The following LRIF1 variants were observed in gnomAD, a reference collection of about 807,000 sequenced individuals.
LRIF1 encodes the protein ligand dependent nuclear receptor interacting factor 1, also known as ligand-dependent nuclear receptor-interacting factor 1.
A neutral mutation model predicts 52.7 loss-of-function variants in LRIF1; 32 were observed. The ratio of observed to expected loss-of-function variants is 0.61; its 90% CI spans 0.46 to 0.82. The LOEUF is 0.82. LRIF1 is among the 40% of genes least tolerant of loss of function. The pLI is 0.00. For synonymous variants in LRIF1, 323 were observed against 317.4 expected, an observed-to-expected ratio of 1.02 and a Z score of -0.19; for missense variants, 887 against 892.0, an observed-to-expected ratio of 0.99 and a Z score of 0.07.
At chr1:110,929,399 C>T in the LRIF1 span, among the ~76,000 whole-genome samples, 1 of 152,150 alleles carries the variant, frequency 6.6e-6, no homozygotes, top group African/African-American at 2.4e-5. Flanking sequence ...TAAGCATTGC[C>T]TTTTCTCCAC....
chr1:110,938,213 G>A, the LRIF1 span: 1 of 152,034 alleles, frequency 6.6e-6, no homozygotes, highest in Non-Finnish European at 1.5e-5. Context: ...ATTCTATGAG[G>A]CCAGTATTTC....
chr1:110,884,118 G>A, the LRIF1 span, among the ~76,000 whole-genome samples: 38 of 152,036 alleles, frequency 2.5e-4, no homozygotes, highest in Non-Finnish European at 5.0e-4. Context: ...TCATTAATTT[G>A]AGACCACTTT....
chr1:110,939,104 T>C, the LRIF1 span: 1 of 152,198 alleles, frequency 6.6e-6, no homozygotes, highest in African/African-American at 2.4e-5. Context: ...TAGTTAAAAA[T>C]GTCCTGGCTC....
chr1:110,924,521 T>C, the LRIF1 span, among the ~76,000 whole-genome samples: 1 of 152,140 alleles, frequency 6.6e-6, no homozygotes, highest in Non-Finnish European at 1.5e-5. Flanking sequence ...GTGAAGGGGA[T>C]AGAGCCCCTT....
At chr1:110,924,885 A>G in the LRIF1 span, among the ~76,000 whole-genome samples, 1 of 152,264 alleles carries the variant, frequency 6.6e-6, no homozygotes. Flanking sequence ...TTAGGAATGC[A>G]TTAGAAAACT....
At chr1:110,902,059 C>G in the LRIF1 span, among the ~76,000 whole-genome samples, 3 of 152,206 alleles carry the variant, frequency 2.0e-5, no homozygotes, top group African/African-American at 7.2e-5. Context: ...CATTAACTTG[C>G]CTGTATTCCT....
At chr1:110,887,094 C>T in the LRIF1 span, among the ~76,000 whole-genome samples, 5 of 105,872 alleles carry the variant, frequency 4.7e-5, no homozygotes, top group South Asian at 2.8e-4. Context: ...GACGGAGTCT[C>T]GCTCTGTCAC....
chr1:110,900,855 T>G, the LRIF1 span, among the ~76,000 whole-genome samples: 3 of 151,516 alleles, frequency 2.0e-5, no homozygotes, highest in South Asian at 4.2e-4. Flanking sequence ...AACCCCACCA[T>G]ATTTGTTTGG....
chr1:110,926,490 C>T, the LRIF1 span, among the ~76,000 whole-genome samples: 6 of 151,828 alleles, frequency 4.0e-5, no homozygotes, highest in African/African-American at 1.2e-4. Flanking sequence ...TTACACTTCA[C>T]ACTAAAAATA....
At chr1:110,887,498 G>T in the LRIF1 span, among the ~76,000 whole-genome samples, 6 of 152,146 alleles carry the variant, frequency 3.9e-5, no homozygotes, top group African/African-American at 1.4e-4. Flanking sequence ...GAATCTATGT[G>T]TAAATTTTAC....
At chr1:110,914,747 C>T in the LRIF1 span, among the ~76,000 whole-genome samples, 1 of 151,894 alleles carries the variant, frequency 6.6e-6, no homozygotes. Flanking sequence ...AGCCAGAATC[C>T]GTCTCTAAAA....
the LRIF1 span, among the ~76,000 whole-genome samples, chr1:110,876,353 T>C: frequency 1.3e-5 from 2 of 152,234 alleles, no homozygotes; most frequent in Non-Finnish European, 2.9e-5. Flanking sequence ...ACTGTATTCT[T>C]CATTTACATA....
chr1:110,959,842 A>T (rs1379355936), intron 1 of LRIF1, among the ~76,000 whole-genome samples: 1 of 152,014 alleles, frequency 6.6e-6, no homozygotes, highest in Non-Finnish European at 1.5e-5. Context: ...TCTAATATTG[A>T]TATGAGGCAT....
the LRIF1 span, chr1:110,938,139 A>C: frequency 2.0e-5 from 3 of 152,198 alleles, no homozygotes; most frequent in Non-Finnish European, 4.4e-5. Flanking sequence ...TCGAGAGAAG[A>C]ACTAATACCA....
the LRIF1 span, among the ~76,000 whole-genome samples, chr1:110,877,821 C>T: frequency 0.97 from 147,289 of 152,304 alleles, 71,392 homozygotes; most frequent in East Asian, 1. Flanking sequence ...TTTATTTTAC[C>T]CCTACTTCTT....
the LRIF1 span, among the ~76,000 whole-genome samples, chr1:110,883,569 TAG>T: frequency 1.3e-5 from 2 of 151,984 alleles, no homozygotes; most frequent in East Asian, 3.8e-4. Context: ...CAGGATAAGG[TAG>T]AGAGTGTACC....
chr1:110,928,612 A>G, the LRIF1 span, among the ~76,000 whole-genome samples: 1 of 152,310 alleles, frequency 6.6e-6, no homozygotes, highest in East Asian at 1.9e-4. Context: ...TGTAGGAAAA[A>G]ATGTTAGAAT....
chr1:110,940,165 G>A, the LRIF1 span: 1 of 152,000 alleles, frequency 6.6e-6, no homozygotes, highest in Admixed American at 6.6e-5. Flanking sequence ...CAAAAAATGA[G>A]CAAAAGATTT....
chr1:110,897,063 A>G, the LRIF1 span, among the ~76,000 whole-genome samples: 6 of 152,212 alleles, frequency 3.9e-5, no homozygotes, highest in Non-Finnish European at 7.3e-5. Context: ...AGTGAAATGT[A>G]TAGGGTTGAG....
Sources: gnomAD v4.1 joint callset for allele counts (sites outside exome capture counted in the v4.1 genomes callset) on GRCh38, gnomAD v4.1.1 for gene constraint, MANE v1.5 for transcripts, NCBI Gene and HGNC (gene_info 2026-07-23, HGNC 2026-07-21) for gene names.